The following CWC27 variants were observed in gnomAD, a reference collection of about 807,000 sequenced individuals.
CWC27 encodes the protein spliceosome-associated protein CWC27 homolog.
In CWC27, 47 loss-of-function variants were observed where a neutral mutation model predicts 63.6. That is an observed-to-expected ratio of 0.74 (90% confidence interval 0.58 to 0.94). The LOEUF is 0.94. Ranked by LOEUF, CWC27 falls within the 40% of genes least tolerant of loss-of-function variation. The probability of loss-of-function intolerance (pLI) is 0.00; values close to 1 mark genes in which losing one functional copy is unlikely to be tolerated. For synonymous variants in CWC27, 175 were observed against 179.8 expected, an observed-to-expected ratio of 0.97 and a Z score of 0.22; for missense variants, 495 against 554.3, an observed-to-expected ratio of 0.89 and a Z score of 1.07.
intron 11 of CWC27, among the ~76,000 whole-genome samples, chr5:64,921,355 T>G (rs1747993191): frequency 6.6e-6 from 1 of 152,126 alleles, no homozygotes. Flanking sequence ...TGGCCTAGCT[T>G]GCGGTCAGTC....
At chr5:64,956,625 C>T (rs1748806578) in intron 11 of CWC27, among the ~76,000 whole-genome samples, 1 of 152,140 alleles carries the variant, frequency 6.6e-6, no homozygotes. Flanking sequence ...TAGTGTATGT[C>T]TTACCCTTTG....
At chr5:64,944,758 A>C (rs1401126671) in intron 11 of CWC27, among the ~76,000 whole-genome samples, 1 of 151,386 alleles carries the variant, frequency 6.6e-6, no homozygotes, top group Non-Finnish European at 1.5e-5. Flanking sequence ...AGATTAGTGC[A>C]GTCGTTTCAT....
chr5:64,943,673 A>G (rs1368838494), intron 11 of CWC27, among the ~76,000 whole-genome samples: 2 of 152,192 alleles, frequency 1.3e-5, no homozygotes, highest in African/African-American at 2.4e-5. Flanking sequence ...CATTCTACCT[A>G]TATTGCAAAG....
chr5:64,926,897 T>C lies in CWC27; in HGVS notation c.1042+41351T>C, dbSNP rs76772169. 8.1e-3 allele frequency among the ~76,000 whole-genome samples: 1,241 copies of C among 152,326 alleles called. 21 individuals are homozygous for C. Among genetic ancestry groups the C allele is most frequent in the African/African-American group, 0.029 (1,195 of 41,578 alleles). On this transcript the variant is annotated intron_variant, in intron 11 of 13. Coordinates refer to ENST00000381070, the MANE Select transcript of CWC27 (RefSeq NM_005869.4). Reference sequence around the variant, plus strand: ...TTTTACTATGTAATAGCAATATTTATGGAAAATTAAACTTCAATTCAGTTT... The same window carrying C: ...TTTTACTATGTAATAGCAATATTTACGGAAAATTAAACTTCAATTCAGTTT...
intron 7 of CWC27, among the ~76,000 whole-genome samples, chr5:64,791,095 C>T (rs987220643): frequency 4.6e-5 from 7 of 152,240 alleles, no homozygotes; most frequent in Admixed American, 3.3e-4. Context: ...GCAGTTGGCC[C>T]GTTGTCCTTC....
chr5:64,937,074 G>C lies in CWC27; in HGVS notation c.1043-34629G>C, dbSNP rs764572198. 1.3e-5 allele frequency among the ~76,000 whole-genome samples: 2 copies of C among 152,002 alleles called. 1 individual carries two copies. Among genetic ancestry groups the C allele is most frequent in the African/African-American group, 4.8e-5 (2 of 41,398 alleles). On this transcript the variant is annotated intron_variant, in intron 11 of 13. Coordinates refer to ENST00000381070, the MANE Select transcript of CWC27 (RefSeq NM_005869.4). ...CTCCTGGATTCATTGATTTTTTGAAGGGTTTTTTGTGTCTCTATCTCTTTC... is the reference window on the plus strand; with the variant it reads ...CTCCTGGATTCATTGATTTTTTGAACGGTTTTTTGTGTCTCTATCTCTTTC...
At chr5:64,899,614 T>G (rs563997000) in intron 11 of CWC27, among the ~76,000 whole-genome samples, 2 of 152,326 alleles carry the variant, frequency 1.3e-5, no homozygotes, top group African/African-American at 4.8e-5. Context: ...TTTGGTGGTA[T>G]GTACCAGAAA....
intron 11 of CWC27, among the ~76,000 whole-genome samples, chr5:64,964,705 T>C (rs1333093106): frequency 6.6e-6 from 1 of 152,186 alleles, no homozygotes; most frequent in Admixed American, 6.5e-5. Context: ...GTTTCAGTGG[T>C]AAGATCGTGT....
intron 13 of CWC27, among the ~76,000 whole-genome samples, chr5:65,003,565 A>G (rs1011156079): frequency 1.1e-4 from 16 of 152,316 alleles, no homozygotes; most frequent in Middle Eastern, 3.4e-3. Flanking sequence ...CGAGTCCCTT[A>G]AGCATTTCTT....
chr5:64,979,548 T>C (rs1361979087), intron 13 of CWC27, among the ~76,000 whole-genome samples: 3 of 152,216 alleles, frequency 2.0e-5, no homozygotes, highest in Non-Finnish European at 4.4e-5. Flanking sequence ...TCCTCTCTCA[T>C]AAAGTATATT....
intron 8 of CWC27, among the ~76,000 whole-genome samples, chr5:64,800,729 C>T (rs1744458987): frequency 6.6e-6 from 1 of 152,092 alleles, no homozygotes; most frequent in Non-Finnish European, 1.5e-5. Flanking sequence ...AGTTTGGGGG[C>T]CAGTCCACTG....
intron 11 of CWC27, among the ~76,000 whole-genome samples, chr5:64,960,370 G>A (rs1748884936): frequency 6.6e-6 from 1 of 152,032 alleles, no homozygotes; most frequent in Non-Finnish European, 1.5e-5. Flanking sequence ...GCAAAATGAA[G>A]TTCATAACAT....
At chr5:64,780,621 CTA>C (rs1743643177) in intron 2 of CWC27, among the ~76,000 whole-genome samples, 1 of 147,804 alleles carries the variant, frequency 6.8e-6, no homozygotes, top group African/African-American at 2.5e-5. Flanking sequence ...TTTATGTGAA[CTA>C]TATATATTTA....
intron 10 of CWC27, among the ~76,000 whole-genome samples, chr5:64,864,466 C>T (rs1561439228): frequency 6.6e-6 from 1 of 152,118 alleles, no homozygotes; most frequent in Admixed American, 6.6e-5. Context: ...AATACAGAGG[C>T]TATTTGGGTG....
intron 11 of CWC27, among the ~76,000 whole-genome samples, chr5:64,970,772 G>T (rs2968197): frequency 0.38 from 57,803 of 150,896 alleles, 11,524 homozygotes; most frequent in Non-Finnish European, 0.45. Flanking sequence ...TTTTTTTTTT[G>T]ACCAGAAAAT....
chr5:64,772,511 C>T (rs1363211137), intron 1 of CWC27, among the ~76,000 whole-genome samples: 2 of 150,088 alleles, frequency 1.3e-5, no homozygotes, highest in Non-Finnish European at 1.5e-5. Flanking sequence ...CCTGTAATCC[C>T]AGCTACTCAG....
intron 11 of CWC27, among the ~76,000 whole-genome samples, chr5:64,922,750 A>G (rs1748021624): frequency 6.6e-6 from 1 of 152,152 alleles, no homozygotes; most frequent in African/African-American, 2.4e-5. Context: ...GTGGGGGCTG[A>G]TGTTCCTTTA....
intron 10 of CWC27, among the ~76,000 whole-genome samples, chr5:64,806,178 C>G (rs1561415691): frequency 6.6e-6 from 1 of 152,010 alleles, no homozygotes. Flanking sequence ...CAATTTTTCT[C>G]TTTTTATAAA....
chr5:64,773,235 T>C (rs1256473672), intron 1 of CWC27, among the ~76,000 whole-genome samples: 1 of 152,200 alleles, frequency 6.6e-6, no homozygotes, highest in Non-Finnish European at 1.5e-5. Context: ...TCTTGAAATA[T>C]TTACCAGTAA....
Sources: gnomAD v4.1 joint callset for allele counts (sites outside exome capture counted in the v4.1 genomes callset) on GRCh38, gnomAD v4.1.1 for gene constraint, MANE v1.5 for transcripts, NCBI Gene and HGNC (gene_info 2026-07-23, HGNC 2026-07-21) for gene names.